ZMIZ1: variants seen among roughly 807,000 people sequenced by gnomAD.
The protein encoded by ZMIZ1 is zinc finger MIZ-type containing 1, also known as zinc finger MIZ domain-containing protein 1.
Under a neutral mutation model 113.9 loss-of-function variants are expected in ZMIZ1, and 17 were observed. The ratio of observed to expected loss-of-function variants is 0.15; its 90% CI spans 0.10 to 0.22. The LOEUF is 0.22. ZMIZ1 is among the 10% of genes least tolerant of loss of function. The probability of loss-of-function intolerance (pLI) is 1.00; values close to 1 mark genes in which losing one functional copy is unlikely to be tolerated. For synonymous variants in ZMIZ1, 607 were observed against 603.1 expected (o/e 1.01, Z -0.09); for missense variants, 1,059 against 1,477.8 (o/e 0.72, Z 4.65).
At chr10:79,259,245 G>C (rs1437048947) in intron 7 of ZMIZ1, among the ~76,000 whole-genome samples, 1 of 152,186 alleles carries the variant, frequency 6.6e-6, no homozygotes. Context: ...GGAAGGGGGG[G>C]CTGGAGCTCT....
chr10:79,127,226 G>T (rs1844555009), intron 2 of ZMIZ1, among the ~76,000 whole-genome samples: 1 of 152,160 alleles, frequency 6.6e-6, no homozygotes, highest in Non-Finnish European at 1.5e-5. Flanking sequence ...TGGGTGCCTG[G>T]TGCCCTCTCC....
intron 4 of ZMIZ1, among the ~76,000 whole-genome samples, chr10:79,177,544 T>C (rs1431098713): frequency 6.6e-6 from 1 of 152,210 alleles, no homozygotes; most frequent in East Asian, 1.9e-4. Context: ...GGCATAGGAC[T>C]TGCCGAAACA....
chr10:79,187,730 C>T (rs1419392912), intron 4 of ZMIZ1, among the ~76,000 whole-genome samples: 1 of 152,206 alleles, frequency 6.6e-6, no homozygotes, highest in Non-Finnish European at 1.5e-5. Flanking sequence ...CCTGAGGACA[C>T]ACCTTGTGTC....
intron 7 of ZMIZ1, among the ~76,000 whole-genome samples, chr10:79,274,781 C>T (rs1315708616): frequency 1.3e-5 from 2 of 152,248 alleles, no homozygotes; most frequent in African/African-American, 2.4e-5. Flanking sequence ...GGCCCTGTCA[C>T]GCAGCCAGCC....
chr10:79,076,873 A>G (rs569400253), intron 1 of ZMIZ1, among the ~76,000 whole-genome samples: 33 of 152,280 alleles, frequency 2.2e-4, no homozygotes, highest in African/African-American at 7.9e-4. Flanking sequence ...GAAACCATCT[A>G]GGGAGGGTAC....
chr10:79,179,364 C>A (rs1230271470), intron 4 of ZMIZ1, among the ~76,000 whole-genome samples: 1 of 152,202 alleles, frequency 6.6e-6, no homozygotes, highest in East Asian at 1.9e-4. Context: ...CTAGTTAGTG[C>A]CTGGTGAACT....
chr10:79,178,274 C>T (rs1016237323), intron 4 of ZMIZ1, among the ~76,000 whole-genome samples: 1 of 152,236 alleles, frequency 6.6e-6, no homozygotes, highest in Non-Finnish European at 1.5e-5. Flanking sequence ...CATGGCCGCC[C>T]TTCAGCCTGC....
chr10:79,069,252 G>C lies in ZMIZ1; in HGVS notation c.-355G>C, dbSNP rs1363825430. On this transcript the variant is annotated 5_prime_UTR_variant, in exon 1 of 25. Transcript: ENST00000334512. The surrounding 1 kb of genome is among the most constrained non-coding windows in gnomAD (Gnocchi z 4.6). The stretch of plus-strand genomic sequence containing the variant: ...GGCGGCGCGTCCTCCAGCGGCGGCA[G>C]CGGCGCTCGCAGCGCCCGGTAAGTT... 2 of 150,482 alleles carry C rather than the reference G, an allele frequency of 1.3e-5. No individual in the cohort carries two copies. The highest frequency in any genetic ancestry group is 3.0e-5 in the Non-Finnish European group (2 of 67,392). 9.3% of individuals were successfully genotyped at this position (150,482 alleles called of 1,614,324 possible).
At chr10:79,309,653 G>T (rs1378501021) in intron 23 of ZMIZ1, among the ~76,000 whole-genome samples, 2 of 152,248 alleles carry the variant, frequency 1.3e-5, no homozygotes, top group East Asian at 1.9e-4. Context: ...CAAGGCCTGG[G>T]AAACAGTTTT....
intron 7 of ZMIZ1, among the ~76,000 whole-genome samples, chr10:79,243,982 A>T (rs952918455): frequency 6.6e-6 from 1 of 152,234 alleles, no homozygotes; most frequent in African/African-American, 2.4e-5. Flanking sequence ...GCCACGGGGC[A>T]GAGTGCGCCC....
intron 4 of ZMIZ1, among the ~76,000 whole-genome samples, chr10:79,200,956 G>T (rs1486306199): frequency 1.3e-5 from 2 of 152,198 alleles, no homozygotes; most frequent in African/African-American, 4.8e-5. Context: ...CCTGAACCAG[G>T]AATCCAAGGG....
At chr10:79,270,923 G>A (rs574968473) in intron 7 of ZMIZ1, among the ~76,000 whole-genome samples, 5 of 152,288 alleles carry the variant, frequency 3.3e-5, no homozygotes, top group East Asian at 3.9e-4. Flanking sequence ...GTCCCATGGG[G>A]TGTCCTAGGG....
At chr10:79,153,700 A>T (rs560301334) in intron 3 of ZMIZ1, among the ~76,000 whole-genome samples, 1 of 152,226 alleles carries the variant, frequency 6.6e-6, no homozygotes, top group Admixed American at 6.5e-5. Context: ...CCATTGGAGA[A>T]ACTGAGGCAG....
At chr10:79,271,131 G>A (rs940519126) in intron 7 of ZMIZ1, among the ~76,000 whole-genome samples, 16 of 152,182 alleles carry the variant, frequency 1.1e-4, no homozygotes, top group Admixed American at 1.0e-3. Flanking sequence ...TGTGCCAGAT[G>A]AGCACACAGG....
At chr10:79,261,720 TTTAA>T (rs1242258866) in intron 7 of ZMIZ1, among the ~76,000 whole-genome samples, 14 of 152,216 alleles carry the variant, frequency 9.2e-5, no homozygotes, top group African/African-American at 3.4e-4. Context: ...GAGTAGAAGC[TTTAA>T]TTAGACCACA....
rs554794312 is a variant in ZMIZ1, at chr10:79,248,516, C to G, written c.281-28665C>G. Among the ~76,000 whole-genome samples the G allele has an allele frequency of 2.6e-5, 4 of 152,288 alleles. No individual in the cohort carries two copies. In the South Asian group the frequency reaches 8.3e-4, roughly 32 times the overall value. On this transcript the variant is annotated intron_variant, in intron 7 of 24. Coordinates refer to ENST00000334512, the MANE Select transcript of ZMIZ1 (RefSeq NM_020338.4). ...TAGGAGCAGGGCTGCTGCTGAGTAG[C>G]AGGCAGGAATCGGGCATAGAAGTTG...
At chr10:79,258,212 T>C (rs536712314) in intron 7 of ZMIZ1, among the ~76,000 whole-genome samples, 1 of 152,186 alleles carries the variant, frequency 6.6e-6, no homozygotes, top group East Asian at 1.9e-4. Context: ...CGAGGACTCA[T>C]CTCTACTAAG....
intron 24 of ZMIZ1, 26 bp downstream of exon 24, chr10:79,311,210 G>T: frequency 3.1e-6 from 5 of 1,593,696 alleles, no homozygotes; most frequent in Non-Finnish European, 4.3e-6. Context: ...CACTCGCCTT[G>T]GCCTGGGGCT....
At chr10:79,271,937 G>A (rs560144331) in intron 7 of ZMIZ1, among the ~76,000 whole-genome samples, 39 of 152,186 alleles carry the variant, frequency 2.6e-4, no homozygotes, top group Non-Finnish European at 5.4e-4. Flanking sequence ...CTACATGCCA[G>A]ACACTTTTAA....
Sources: gnomAD v4.1 joint callset for allele counts (sites outside exome capture counted in the v4.1 genomes callset) on GRCh38, gnomAD v4.1.1 for gene constraint, Gnocchi (gnomAD v3.1) non-coding constraint, MANE v1.5 for transcripts, NCBI Gene and HGNC (gene_info 2026-07-23, HGNC 2026-07-21) for gene names.